Variants in GRIN2C observed in about 807,000 individuals in gnomAD.
GRIN2C encodes glutamate ionotropic receptor NMDA type subunit 2C, also known as glutamate receptor ionotropic, NMDA 2C.
A neutral mutation model predicts 77.7 loss-of-function variants in GRIN2C; 64 were observed. The observed-to-expected ratio is 0.82, with a 90% CI of 0.67 to 1.01. The LOEUF (loss-of-function observed/expected upper bound fraction) is 1.01. GRIN2C is among the 50% of genes least tolerant of loss of function. GRIN2C has a pLI of 0.00. For missense variants in GRIN2C, 1,549 were observed against 1,486.0 expected, an observed-to-expected ratio of 1.04 and a Z score of -0.70; for synonymous variants, 792 against 643.4, an observed-to-expected ratio of 1.23 and a Z score of -3.49.
chr17:74,846,796 C>A lies in GRIN2C; in HGVS notation c.2126G>T (p.Arg709Leu). 6.2e-7 allele frequency: 1 copy of A among 1,614,114 alleles called. No homozygotes were observed. Among genetic ancestry groups the A allele is most frequent in the South Asian group, 1.1e-5 (1 of 91,088 alleles). ...GCTGGTGAGCGCGTCCTCCACCGAG[C>A]GCTGGTTGAACTTGACCATGTGGGT... Reference protein sequence around the residue: ...MHTHMVKFNQRSVEDALTSLK... With the variant: ...MHTHMVKFNQLSVEDALTSLK... The change falls in exon 10 of 13, where the codon CGC becomes CTC. Residue 709 changes from arginine to leucine, a missense_variant. Coordinates refer to ENST00000293190, the MANE Select transcript of GRIN2C (RefSeq NM_000835.6). This position sits in a 1 kb window ranked among gnomAD's most constrained non-coding sequence, Gnocchi z 4.4.
intron 4 of GRIN2C, chr17:74,851,238 C>T (rs528169926): frequency 6.9e-4 from 227 of 328,498 alleles, no homozygotes; most frequent in African/African-American, 3.5e-3. Flanking sequence ...CTTTTGCACA[C>T]GTCTACTCAA....
Position 74,842,936 on chromosome 17 carries a change from C to T in GRIN2C, c.3201G>A (p.Leu1067=). The T allele has an allele frequency of 3.6e-6, 2 of 561,794 alleles. No individual in the cohort carries two copies. Among genetic ancestry groups the T allele is most frequent in the Non-Finnish European group, 6.3e-6 (2 of 319,502 alleles). 34.8% of individuals were successfully genotyped at this position (561,794 alleles called of 1,614,324 possible). Residue 1067 remains leucine (L), a synonymous_variant, in exon 13 of 13, where the codon CTG becomes CTA. Transcript: ENST00000293190. ...GCGAGCCCCGGGCCCAGGCCGCGTG[C>T]AGCAGGGCCTCCCGCCGGGCCAGCT... ...PEQLARREAL[L]HAAWARGSRP...
intron 3 of GRIN2C, 81 bp from the exon 4 acceptor site, chr17:74,851,772 A>C: frequency 1.2e-6 from 1 of 866,160 alleles, no homozygotes; most frequent in Non-Finnish European, 1.9e-6. Flanking sequence ...CACCGACAGC[A>C]GGTGGCATTG....
upstream of GRIN2C, chr17:74,860,684 C>T (rs1319508713): frequency 2.8e-6 from 1 of 353,150 alleles, no homozygotes; most frequent in Non-Finnish European, 5.6e-6. Context: ...CTACCCTTCC[C>T]TTTGCGCTCT....
chr17:74,850,889 AG>A lies in GRIN2C; in HGVS notation c.1114-123del. 1.2e-6 allele frequency: 1 copy of A among 808,394 alleles called. No individual in the cohort carries two copies. The highest frequency in any genetic ancestry group is 2.3e-5 in the Admixed American group (1 of 43,836). 50.1% of individuals were successfully genotyped at this position (808,394 alleles called of 1,614,324 possible). A position where few individuals can be genotyped will look rare whatever the true frequency, so the allele number is the denominator to read the frequency against. On this transcript the variant is annotated intron_variant, in intron 4 of 12. Transcript: ENST00000293190. This position sits in a 1 kb window ranked among gnomAD's most constrained non-coding sequence, Gnocchi z 5.3. ...TAGGGATGCTGGGGCAGGTCAGAGT[AG>A]GGCTGCTCCCAACAGCCTCCCCCAG...
Position 74,849,834 on chromosome 17 carries a change from TG to T in GRIN2C, c.1590del (p.Ile531SerfsTer3). The T allele has an allele frequency of 6.2e-7, 1 of 1,613,314 alleles. No individual in the cohort carries two copies. Among genetic ancestry groups the T allele is most frequent in the Non-Finnish European group, 8.5e-7 (1 of 1,179,758 alleles). ...VDFSVPFVET[G>X]ISVMVARSNG... ...TTGCTGCGAGCCACCATCACACTGATGCCCGTCTCCACAAAGGGTACAGAGA... is the reference window on the plus strand; with the variant it reads ...TTGCTGCGAGCCACCATCACACTGATCCCGTCTCCACAAAGGGTACAGAGA... On this transcript the variant is annotated frameshift_variant, in exon 7 of 13. Transcript: ENST00000293190. LOFTEE classifies it high-confidence loss of function. This position sits in a 1 kb window ranked among gnomAD's most constrained non-coding sequence, Gnocchi z 4.6.
In GRIN2C at chr17:74,850,826, G is replaced by A. The variant is rs2037619795; in HGVS notation, c.1114-59C>T. The A allele has an allele frequency of 7.1e-7, 1 of 1,409,536 alleles. No homozygotes were observed. Among genetic ancestry groups the A allele is most frequent in the Non-Finnish European group, 9.9e-7 (1 of 1,015,202 alleles). 87.3% of individuals were successfully genotyped at this position (1,409,536 alleles called of 1,614,324 possible). On this transcript the variant is annotated intron_variant, in intron 4 of 12. Transcript: ENST00000293190. The surrounding 1 kb of genome is among the most constrained non-coding windows in gnomAD (Gnocchi z 5.3). ...CAGCCCTACAGCCCCCACCCTCTAGGTGGAGCCTGCCAGGGCCAAGAATCT... is the reference window on the plus strand; with the variant it reads ...CAGCCCTACAGCCCCCACCCTCTAGATGGAGCCTGCCAGGGCCAAGAATCT...
intron 1 of GRIN2C, among the ~76,000 whole-genome samples, chr17:74,857,937 C>G (rs2037859612): frequency 6.6e-6 from 1 of 152,182 alleles, no homozygotes; most frequent in Non-Finnish European, 1.5e-5. Flanking sequence ...AGAAAATATA[C>G]TATTAAAATT....
chr17:74,844,833 C>G (rs2037408158), intron 11 of GRIN2C, among the ~76,000 whole-genome samples: 1 of 152,180 alleles, frequency 6.6e-6, no homozygotes, highest in South Asian at 2.1e-4. Flanking sequence ...TCTTCATATA[C>G]TTATTAACCA....
chr17:74,844,648 G>C, intron 11 of GRIN2C, 140 bp from the exon 12 acceptor site: 4 of 1,429,164 alleles, frequency 2.8e-6, no homozygotes, highest in Non-Finnish European at 3.7e-6. Flanking sequence ...ACCACATGGG[G>C]ATCCAGCCTG....
Position 74,850,476 on chromosome 17 carries a change from C to G in GRIN2C, c.1325+80G>C. ...GGCACGTGGACCCCTGCCCCACACCCAAGCATGGGACATACACGACACCTG... is the reference window on the plus strand; with the variant it reads ...GGCACGTGGACCCCTGCCCCACACCGAAGCATGGGACATACACGACACCTG... On this transcript the variant is annotated intron_variant, in intron 5 of 12. Coordinates refer to ENST00000293190, the MANE Select transcript of GRIN2C (RefSeq NM_000835.6). The surrounding 1 kb of genome is among the most constrained non-coding windows in gnomAD (Gnocchi z 5.3). 1 of 1,569,306 alleles carries G rather than the reference C, an allele frequency of 6.4e-7. No homozygotes were observed.
chr17:74,851,152 T>C (rs949912181), intron 4 of GRIN2C: 1 of 319,226 alleles, frequency 3.1e-6, no homozygotes, highest in Non-Finnish European at 5.9e-6. Flanking sequence ...AAATATCCCA[T>C]CTTCTGGGAC....
chr17:74,853,433 C>A (rs1204830479), intron 2 of GRIN2C: 1 of 152,180 alleles, frequency 6.6e-6, no homozygotes, highest in African/African-American at 2.4e-5. Flanking sequence ...GCTCTTAATT[C>A]GAGCAAACAG....
chr17:74,844,254 G>T (rs1221636840), intron 12 of GRIN2C, 22 bp downstream of exon 12: 1 of 1,612,512 alleles, frequency 6.2e-7, no homozygotes, highest in Non-Finnish European at 8.5e-7. Flanking sequence ...TTTGGCCTGT[G>T]TGGGGAGGGG....
At position 74,852,070 on chromosome 17, in the gene GRIN2C, G is replaced by A; in HGVS notation, c.941C>T (p.Ala314Val). 6.9e-7 allele frequency: 1 copy of A among 1,456,442 alleles called. No individual in the cohort carries two copies. The highest frequency in any genetic ancestry group is 9.1e-7 in the Non-Finnish European group (1 of 1,103,582). The allele number at this position is 1,456,442 out of a possible 1,614,324, so 90.2% of individuals were successfully genotyped here. A position where few individuals can be genotyped will look rare whatever the true frequency, so the allele number is the denominator to read the frequency against. ...CCCAGGGTGAACACGGCAGTCCCCG[G>A]CCGGGGCTGGCAGGGTTCCATGCTG... ...WRQHGTLPAP[A>V]GDCRVHPGPV... is the part of the protein sequence containing the mutation. Residue 314 changes from alanine (A) to valine (V), a missense_variant, in exon 3 of 13, where the codon GCC becomes GTC. By Grantham distance (64) the Ala-to-Val change is moderately conservative. Coordinates refer to ENST00000293190, the MANE Select transcript of GRIN2C (RefSeq NM_000835.6).
intron 12 of GRIN2C, 106 bp downstream of exon 12, chr17:74,844,170 G>A: frequency 2.0e-6 from 3 of 1,524,788 alleles, no homozygotes; most frequent in South Asian, 2.6e-5. Context: ...CATGAGCCGG[G>A]CCAGAACCTT....
chr17:74,851,369 G>T (rs1019974340), intron 4 of GRIN2C: 1 of 557,080 alleles, frequency 1.8e-6, no homozygotes, highest in Non-Finnish European at 3.2e-6. Flanking sequence ...GGGAAGCCGG[G>T]GTGTTATGGG....
intron 1 of GRIN2C, among the ~76,000 whole-genome samples, chr17:74,856,990 G>A (rs1403366157): frequency 6.6e-6 from 1 of 152,100 alleles, no homozygotes; most frequent in African/African-American, 2.4e-5. Flanking sequence ...ACATCAATTG[G>A]CCCGTGTGTG....
Position 74,849,496 on chromosome 17 carries a change from C to G in GRIN2C, c.1645+284G>C, listed in dbSNP as rs1373242180. Among the ~76,000 whole-genome samples, 2 of 152,336 alleles carry G rather than the reference C, an allele frequency of 1.3e-5. No individual in the cohort carries two copies. The highest frequency in any genetic ancestry group is 1.5e-5 in the Non-Finnish European group (1 of 68,018). On this transcript the variant is annotated intron_variant, in intron 7 of 12. Coordinates refer to ENST00000293190, the MANE Select transcript of GRIN2C (RefSeq NM_000835.6). The surrounding 1 kb of genome is among the most constrained non-coding windows in gnomAD (Gnocchi z 4.6). ...CCACAGTCCTGGGCCATGGCCCATC[C>G]TGAGGCGAGCCTGCCTGCTGGATTT...
Sources: allele counts gnomAD v4.1 joint callset (sites outside exome capture counted in the v4.1 genomes callset), GRCh38; gene constraint gnomAD v4.1.1; non-coding constraint Gnocchi (gnomAD v3.1); transcripts MANE v1.5; gene names NCBI Gene and HGNC (gene_info 2026-07-23, HGNC 2026-07-21).